Variants in DNAH9 observed in about 807,000 individuals in gnomAD.
The protein encoded by DNAH9 is dynein axonemal heavy chain 9.
Under a neutral mutation model 471.6 loss-of-function variants are expected in DNAH9, and 345 were observed. The ratio of observed to expected loss-of-function variants is 0.73; its 90% CI spans 0.67 to 0.80. The LOEUF (loss-of-function observed/expected upper bound fraction) is 0.80, where lower values mean the gene tolerates loss of function less well. Among genes scored for constraint, DNAH9 ranks in the 30% least tolerant of loss-of-function variants. DNAH9 has a pLI of 0.00. For synonymous variants in DNAH9, 2,093 were observed against 2,123.6 expected, an observed-to-expected ratio of 0.99 and a Z score of 0.40; for missense variants, 5,407 against 5,609.2, an observed-to-expected ratio of 0.96 and a Z score of 1.15.
At position 11,757,452 on chromosome 17, in the gene DNAH9, T is replaced by C. The variant is rs77382068; in HGVS notation, c.6848-93T>C. On this transcript the variant is annotated intron_variant, in intron 34 of 68. Coordinates refer to ENST00000262442, the MANE Select transcript of DNAH9 (RefSeq NM_001372.4). ...CTTTTCTTTTCAGTCCAGTCTTCTGTACATTTTCCAAACAGAGAAAATAAC... is the reference window on the plus strand; with the variant it reads ...CTTTTCTTTTCAGTCCAGTCTTCTGCACATTTTCCAAACAGAGAAAATAAC... 4.4e-3 allele frequency: 5,253 copies of C among 1,204,644 alleles called. 204 individuals are homozygous for C. The African/African-American group carries it at 0.071, about 16-fold the overall frequency. 74.6% of individuals were successfully genotyped at this position (1,204,644 alleles called of 1,614,324 possible).
rs781651057 is a variant in DNAH9 at position 11,598,701 on chromosome 17, C to T, written c.203C>T (p.Pro68Leu). Residue 68 changes from proline (P) to leucine (L), a missense_variant, in exon 1 of 69, where the codon CCG becomes CTG. By Grantham distance (98) the Pro-to-Leu change is moderately conservative. This residue lies in a region of DNAH9 where 767 missense variants were observed against 692.5 expected (regional missense o/e 1.11). Transcript: ENST00000262442. ...CTGGGCCGCGATGCTGCCGAGGGGC[C>T]GCGGCCGCTGCTGGTGGTGCGGCCC... ...AFLGRDAAEGPRPLLVVRPGP... is the reference protein window; with the variant it reads ...AFLGRDAAEGLRPLLVVRPGP... 2.2e-6 allele frequency: 3 copies of T among 1,372,648 alleles called. No homozygotes were observed. The highest frequency in any genetic ancestry group is 3.3e-5 in the South Asian group (2 of 60,616). 85.0% of individuals were successfully genotyped at this position (1,372,648 alleles called of 1,614,324 possible). A position where few individuals can be genotyped will look rare whatever the true frequency, so the allele number is the denominator to read the frequency against.
chr17:11,674,536 CTTT>C (rs887277194), intron 17 of DNAH9, among the ~76,000 whole-genome samples: 1 of 151,900 alleles, frequency 6.6e-6, no homozygotes, highest in African/African-American at 2.4e-5. Context: ...TTCTACTGGA[CTTT>C]TTTTTCCTTT....
intron 43 of DNAH9, among the ~76,000 whole-genome samples, chr17:11,799,848 G>C (rs1969387719): frequency 6.6e-6 from 1 of 152,298 alleles, no homozygotes; most frequent in South Asian, 2.1e-4. Context: ...GACTCCCAAA[G>C]TGCTGGGATT....
rs370488856 is a variant in DNAH9 at position 11,934,061 on chromosome 17, G to T, written c.12479G>T (p.Gly4160Val). 6 of 1,613,542 alleles carry T rather than the reference G, an allele frequency of 3.7e-6. No individual in the cohort carries two copies. Among genetic ancestry groups the T allele is most frequent in the South Asian group, 3.3e-5 (3 of 91,002 alleles). ...FPLPGNMDYNGYHQYIDAELP... is the reference protein window; with the variant it reads ...FPLPGNMDYNVYHQYIDAELP... The stretch of plus-strand genomic sequence containing the variant: ...CTCCCAGGCAACATGGACTACAATG[G>T]TTATCATCAGGTGAGACTCTGCTCT... Residue 4160 changes from glycine (G) to valine (V), a missense_variant, in exon 65 of 69, where the codon GGT becomes GTT. Coordinates refer to ENST00000262442, the MANE Select transcript of DNAH9 (RefSeq NM_001372.4).
chr17:11,698,224 TATA>T (rs1003133402), intron 22 of DNAH9, among the ~76,000 whole-genome samples: 1 of 116,290 alleles, frequency 8.6e-6, no homozygotes, highest in African/African-American at 3.3e-5. Context: ...ATTATATTAA[TATA>T]ATAGCAATAT....
At chr17:11,912,005 C>T (rs1567894995) in intron 61 of DNAH9, among the ~76,000 whole-genome samples, 2 of 152,002 alleles carry the variant, frequency 1.3e-5, no homozygotes, top group African/African-American at 4.8e-5. Flanking sequence ...ATGTTTCTTC[C>T]TCTTTTATCA....
At chr17:11,923,997 A>C (rs1567554169) in intron 62 of DNAH9, 56 bp downstream of exon 62, 1 of 1,585,900 alleles carries the variant, frequency 6.3e-7, no homozygotes, top group Non-Finnish European at 8.6e-7. Context: ...CTCATCCCAC[A>C]CTCACTGGGC....
intron 45 of DNAH9, among the ~76,000 whole-genome samples, chr17:11,812,528 C>T (rs1011804396): frequency 5.3e-5 from 8 of 152,104 alleles, no homozygotes; most frequent in African/African-American, 1.9e-4. Flanking sequence ...CACCCCATGC[C>T]ATCATGCTGT....
intron 35 of DNAH9, among the ~76,000 whole-genome samples, chr17:11,760,872 A>G (rs1385030260): frequency 2.0e-5 from 3 of 152,174 alleles, no homozygotes; most frequent in African/African-American, 7.2e-5. Context: ...CAGCTCCGCG[A>G]TGCTCCCCTG....
chr17:11,768,519 T>C lies in DNAH9; in HGVS notation c.7237T>C (p.Ser2413Pro). Residue 2413 changes from serine to proline, a missense_variant, in exon 37 of 69, where the codon TCC (serine) becomes CCC (proline). Around this residue, in one of 3 missense-constraint regions of DNAH9, gnomAD observed 4,636 missense variants for 4,900.3 expected, o/e 0.95. Transcript: ENST00000262442. Reference sequence around the variant, plus strand: ...TGAGTTCAAAACAGTCAAGTTTCCTTCCCAAGGAACCATCTTTGACTATTA... The same window carrying C: ...TGAGTTCAAAACAGTCAAGTTTCCTCCCCAAGGAACCATCTTTGACTATTA... Reference protein sequence around the residue: ...LTEFKTVKFPSQGTIFDYYID... With the variant: ...LTEFKTVKFPPQGTIFDYYID... 1 of 1,614,154 alleles carries C rather than the reference T, an allele frequency of 6.2e-7. No individual in the cohort carries two copies.
intron 41 of DNAH9, among the ~76,000 whole-genome samples, chr17:11,785,637 C>T (rs1413983052): frequency 6.6e-6 from 1 of 152,164 alleles, no homozygotes; most frequent in Non-Finnish European, 1.5e-5. Context: ...TCTGAGAACA[C>T]ATCCAGGCTA....
intron 42 of DNAH9, among the ~76,000 whole-genome samples, chr17:11,794,676 C>T (rs1184243353): frequency 1.3e-5 from 2 of 152,196 alleles, no homozygotes; most frequent in African/African-American, 2.4e-5. Context: ...CAGCTGGGGT[C>T]TGACCAAAAC....
intron 56 of DNAH9, among the ~76,000 whole-genome samples, chr17:11,885,673 C>T (rs1246000146): frequency 6.6e-6 from 1 of 152,046 alleles, no homozygotes. Context: ...TTTATGCTTC[C>T]TTTTGTGTCC....
intron 45 of DNAH9, among the ~76,000 whole-genome samples, chr17:11,818,563 T>TA (rs1970193455): frequency 6.6e-6 from 1 of 152,082 alleles, no homozygotes; most frequent in Admixed American, 6.6e-5. Flanking sequence ...GAACAGCTTT[T>TA]AAAAAAAATT....
chr17:11,601,451 G>A (rs371816516), intron 1 of DNAH9, among the ~76,000 whole-genome samples: 15 of 152,218 alleles, frequency 9.9e-5, no homozygotes, highest in East Asian at 5.8e-4. Context: ...ACAGGGGTAG[G>A]TGGAAGATTT....
chr17:11,803,373 T>C (rs1008385839), intron 43 of DNAH9, among the ~76,000 whole-genome samples: 4 of 144,728 alleles, frequency 2.8e-5, no homozygotes, highest in Non-Finnish European at 6.2e-5. Flanking sequence ...TTACCCATTC[T>C]CTAGGGGTGT....
At chr17:11,807,658 C>G (rs1360336324) in intron 43 of DNAH9, 74 bp from the exon 44 acceptor site, 3 of 1,510,872 alleles carry the variant, frequency 2.0e-6, no homozygotes, top group Non-Finnish European at 2.7e-6. Context: ...CCTGCTCCCA[C>G]TCAAGCCTTT....
In DNAH9 at chr17:11,871,271, G is replaced by T. The variant is rs1233897281; in HGVS notation, c.10054-327G>T. Among the ~76,000 whole-genome samples the T allele has an allele frequency of 2.0e-5, 3 of 152,206 alleles. No individual in the cohort carries two copies. The East Asian group carries it at 5.8e-4, about 29-fold the overall frequency. On this transcript the variant is annotated intron_variant, in intron 51 of 68. Transcript: ENST00000262442. ...TAACATGTTCCACAGACCAGGTATTGTGCTAAATAATAAACATACATGATT... is the reference window on the plus strand; with the variant it reads ...TAACATGTTCCACAGACCAGGTATTTTGCTAAATAATAAACATACATGATT...
intron 43 of DNAH9, among the ~76,000 whole-genome samples, chr17:11,803,401 C>T (rs375776189): frequency 4.8e-5 from 7 of 146,324 alleles, no homozygotes; most frequent in Admixed American, 2.7e-4. Context: ...TGTGTGTGTG[C>T]GCTCGCACAC....
Sources: gnomAD v4.1 joint callset for allele counts (sites outside exome capture counted in the v4.1 genomes callset) on GRCh38, gnomAD v4.1.1 for gene constraint, gnomAD v4.1.1 regional missense constraint, MANE v1.5 for transcripts, NCBI Gene and HGNC (gene_info 2026-07-23, HGNC 2026-07-21) for gene names.